Variants in DPYD observed in about 807,000 individuals in gnomAD.
DPYD encodes the protein dihydropyrimidine dehydrogenase [NADP(+)].
In DPYD, 109 loss-of-function variants were observed where a neutral mutation model predicts 116.2. That is an observed-to-expected ratio of 0.94 (90% CI 0.80 to 1.10). DPYD has a LOEUF of 1.10. DPYD is among the 50% of genes least tolerant of loss of function. The pLI, the probability that DPYD is intolerant of heterozygous loss-of-function variation, is 0.00. For synonymous variants in DPYD, 440 were observed against 432.0 expected (o/e 1.02, Z -0.23); for missense variants, 1,302 against 1,254.5 (o/e 1.04, Z -0.57).
chr1:97,701,122 T>C (rs916906159), intron 5 of DPYD, among the ~76,000 whole-genome samples: 1 of 149,112 alleles, frequency 6.7e-6, no homozygotes, highest in African/African-American at 2.4e-5. Flanking sequence ...CACAGATAGA[T>C]AAGTGTAAAG....
intron 18 of DPYD, among the ~76,000 whole-genome samples, chr1:97,255,241 T>C (rs1663370236): frequency 6.6e-6 from 1 of 152,176 alleles, no homozygotes; most frequent in Non-Finnish European, 1.5e-5. Context: ...CATAAGTGCA[T>C]ACACTTATAC....
At chr1:97,148,178 CTG>C (rs2101711370) in intron 20 of DPYD, among the ~76,000 whole-genome samples, 1 of 151,452 alleles carries the variant, frequency 6.6e-6, no homozygotes, top group East Asian at 1.9e-4. Flanking sequence ...GTCTCTGTCT[CTG>C]GGGCACTGGT....
At chr1:97,104,382 T>C (rs1650980618) in intron 20 of DPYD, among the ~76,000 whole-genome samples, 1 of 152,102 alleles carries the variant, frequency 6.6e-6, no homozygotes, top group Non-Finnish European at 1.5e-5. Context: ...AGAAAAGCTG[T>C]GATTCATACA....
intron 2 of DPYD, among the ~76,000 whole-genome samples, chr1:97,873,669 T>C (rs1007615392): frequency 2.0e-5 from 3 of 151,940 alleles, no homozygotes; most frequent in Non-Finnish European, 4.4e-5. Context: ...AAGAGGATTA[T>C]AATCATAATA....
chr1:97,323,236 GTA>G (rs1668414631), intron 16 of DPYD, among the ~76,000 whole-genome samples: 1 of 133,688 alleles, frequency 7.5e-6, no homozygotes, highest in Non-Finnish European at 1.6e-5. Context: ...ATGTATATAT[GTA>G]TACACATTTA....
At chr1:97,495,689 T>A (rs958096355) in intron 13 of DPYD, among the ~76,000 whole-genome samples, 1 of 152,094 alleles carries the variant, frequency 6.6e-6, no homozygotes, top group Non-Finnish European at 1.5e-5. Flanking sequence ...GCTGGTATCA[T>A]GATAAATGAT....
intron 19 of DPYD, among the ~76,000 whole-genome samples, chr1:97,194,822 C>T (rs940115323): frequency 4.6e-5 from 7 of 151,938 alleles, no homozygotes; most frequent in Non-Finnish European, 4.4e-5. Flanking sequence ...TCTTTATTAG[C>T]AGCATGAGAA....
chr1:97,880,067 T>C (rs1672126130), intron 2 of DPYD, among the ~76,000 whole-genome samples: 1 of 151,672 alleles, frequency 6.6e-6, no homozygotes, highest in Non-Finnish European at 1.5e-5. Context: ...TATCAATATA[T>C]AGATAGAGAG....
At chr1:97,900,889 C>A (rs1379382746) in intron 1 of DPYD, among the ~76,000 whole-genome samples, 1 of 151,870 alleles carries the variant, frequency 6.6e-6, no homozygotes, top group South Asian at 2.1e-4. Flanking sequence ...GCAAAACACC[C>A]TATCTCTATT....
intron 17 of DPYD, among the ~76,000 whole-genome samples, chr1:97,305,906 GT>G (rs1312252021): frequency 6.6e-5 from 10 of 151,896 alleles, no homozygotes; most frequent in Non-Finnish European, 1.3e-4. Context: ...CTGTGACTGT[GT>G]TTTTTGTTCT....
At chr1:97,403,075 TTGTC>T (rs1673458424) in intron 14 of DPYD, among the ~76,000 whole-genome samples, 1 of 148,218 alleles carries the variant, frequency 6.7e-6, no homozygotes, top group African/African-American at 2.4e-5. Context: ...TAGCATGTCT[TTGTC>T]TGGTTTGCTG....
intron 14 of DPYD, among the ~76,000 whole-genome samples, chr1:97,436,950 A>T (rs1408202209): frequency 6.6e-6 from 1 of 151,858 alleles, no homozygotes; most frequent in African/African-American, 2.4e-5. Context: ...GGCTATAATA[A>T]TTTTAAGTTA....
At chr1:97,876,232 T>G (rs1025940741) in intron 2 of DPYD, among the ~76,000 whole-genome samples, 1 of 152,048 alleles carries the variant, frequency 6.6e-6, no homozygotes, top group African/African-American at 2.4e-5. Flanking sequence ...TGACTCAACC[T>G]GGACATCCAA....
At chr1:97,159,979 G>A (rs972016408) in intron 20 of DPYD, among the ~76,000 whole-genome samples, 1 of 150,246 alleles carries the variant, frequency 6.7e-6, no homozygotes, top group African/African-American at 2.5e-5. Flanking sequence ...TTCTTTTATC[G>A]TAGAGAAAGA....
At chr1:97,610,780 A>G (rs1655893819) in intron 8 of DPYD, among the ~76,000 whole-genome samples, 1 of 151,984 alleles carries the variant, frequency 6.6e-6, no homozygotes, top group South Asian at 2.1e-4. Flanking sequence ...TGAAAATCCT[A>G]TTTTTAAGCA....
At chr1:97,113,788 G>A (rs1651772644) in intron 20 of DPYD, among the ~76,000 whole-genome samples, 1 of 151,922 alleles carries the variant, frequency 6.6e-6, no homozygotes, top group Non-Finnish European at 1.5e-5. Context: ...GAAAATATAA[G>A]GAAAATATGT....
At chr1:97,721,839 C>A (rs1662943881) in intron 4 of DPYD, among the ~76,000 whole-genome samples, 168 bp from the exon 5 acceptor site, 1 of 151,586 alleles carries the variant, frequency 6.6e-6, no homozygotes, top group Non-Finnish European at 1.5e-5. Flanking sequence ...TAAAACTTAG[C>A]AGAGTATTTG....
intron 16 of DPYD, among the ~76,000 whole-genome samples, chr1:97,359,273 T>C (rs1206884644): frequency 6.6e-6 from 1 of 151,804 alleles, no homozygotes; most frequent in East Asian, 1.9e-4. Flanking sequence ...AAAGTGAAAA[T>C]AAACGAACAA....
At chr1:97,594,245 C>A (rs1654723076) in intron 9 of DPYD, among the ~76,000 whole-genome samples, 1 of 152,120 alleles carries the variant, frequency 6.6e-6, no homozygotes, top group Non-Finnish European at 1.5e-5. Context: ...GTATTTGGGA[C>A]ACTCTGTAAT....
Sources: gnomAD v4.1 joint callset for allele counts (sites outside exome capture counted in the v4.1 genomes callset) on GRCh38, gnomAD v4.1.1 for gene constraint, MANE v1.5 for transcripts, NCBI Gene and HGNC (gene_info 2026-07-23, HGNC 2026-07-21) for gene names.